The following SKIL variants were observed in gnomAD, a reference collection of about 807,000 sequenced individuals.
SKIL encodes SKI like proto-oncogene, also known as ski-like protein.
A neutral mutation model predicts 69.6 loss-of-function variants in SKIL; 20 were observed. The observed-to-expected ratio is 0.29, with a 90% CI of 0.20 to 0.42. The LOEUF (loss-of-function observed/expected upper bound fraction) is 0.42. Among genes scored for constraint, SKIL ranks in the 10% least tolerant of loss-of-function variants. The pLI, the probability that SKIL is intolerant of heterozygous loss-of-function variation, is 1.00. For missense variants in SKIL, 745 were observed against 783.1 expected, an observed-to-expected ratio of 0.95 and a Z score of 0.58; for synonymous variants, 310 against 279.9, an observed-to-expected ratio of 1.11 and a Z score of -1.08.
In SKIL at chr3:170,395,595, C is replaced by G. The variant is rs1738149204; in HGVS notation, c.*3178C>G. 2 of 152,066 alleles carry G rather than the reference C, an allele frequency of 1.3e-5. No homozygotes were observed. Among genetic ancestry groups the G allele is most frequent in the African/African-American group, 4.8e-5 (2 of 41,438 alleles). The allele number at this position is 152,066 out of a possible 1,614,324, so 9.4% of individuals were successfully genotyped here. A position where few individuals can be genotyped will look rare whatever the true frequency, so the allele number is the denominator to read the frequency against. ...AGGAAGGTAAAGTTATAAGGAAACT[C>G]AAATACTATAAGATGTGTCAAGGTA... On this transcript the variant is annotated 3_prime_UTR_variant, in exon 7 of 7. Coordinates refer to ENST00000259119, the MANE Select transcript of SKIL (RefSeq NM_005414.5).
At chr3:170,366,047 C>T (rs530688402) in intron 2 of SKIL, among the ~76,000 whole-genome samples, 16 of 148,216 alleles carry the variant, frequency 1.1e-4, no homozygotes, top group South Asian at 2.1e-4. Flanking sequence ...TGAGCCATTG[C>T]GCCTGGCCTT....
intron 3 of SKIL, among the ~76,000 whole-genome samples, chr3:170,382,272 C>T (rs1023759918): frequency 1.3e-5 from 2 of 151,882 alleles, no homozygotes; most frequent in Non-Finnish European, 2.9e-5. Context: ...TTGAAATAAC[C>T]TTTACTATGT....
chr3:170,382,067 G>A (rs1238109092), intron 3 of SKIL, among the ~76,000 whole-genome samples: 1 of 151,806 alleles, frequency 6.6e-6, no homozygotes, highest in African/African-American at 2.4e-5. Flanking sequence ...AGGCGACAGA[G>A]CAAAACTGTC....
Position 170,360,121 on chromosome 3 carries a change from AT to A in SKIL, c.-207del. 3 of 463,612 alleles carry A rather than the reference AT, an allele frequency of 6.5e-6. No individual in the cohort carries two copies. The highest frequency in any genetic ancestry group is 4.8e-5 in the South Asian group (1 of 20,962). 28.7% of individuals were successfully genotyped at this position (463,612 alleles called of 1,614,324 possible). A position where few individuals can be genotyped will look rare whatever the true frequency, so the allele number is the denominator to read the frequency against. ...TTTATTATTAGAGGCAAAACGAACA[AT>A]TTTATAGGATTTGTAGTGAAATTAT... On this transcript the variant is annotated 5_prime_UTR_variant, in exon 2 of 7. Coordinates refer to ENST00000259119, the MANE Select transcript of SKIL (RefSeq NM_005414.5).
At chr3:170,378,705 C>G (rs112345236) in intron 2 of SKIL, among the ~76,000 whole-genome samples, 6,368 of 151,816 alleles carry the variant, frequency 0.042, 148 homozygotes, top group South Asian at 0.14. Flanking sequence ...GCACTCACCA[C>G]CATGTCCAGC....
At chr3:170,386,496 C>T (rs919245376) in intron 4 of SKIL, among the ~76,000 whole-genome samples, 1 of 152,072 alleles carries the variant, frequency 6.6e-6, no homozygotes, top group Admixed American at 6.6e-5. Context: ...GACAGAGTCT[C>T]ACTCTGTTGC....
intron 6 of SKIL, 58 bp downstream of exon 6, chr3:170,391,318 TTC>T: frequency 1.0e-6 from 1 of 1,000,516 alleles, no homozygotes; most frequent in African/African-American, 1.7e-5. Flanking sequence ...AAACTGTTAC[TTC>T]TCTCTTTTTT....
chr3:170,385,809 C>CTTT (rs562437463), intron 4 of SKIL, among the ~76,000 whole-genome samples: 262 of 141,982 alleles, frequency 1.8e-3, no homozygotes, highest in African/African-American at 6.5e-3. Context: ...TCTTTTTTTT[C>CTTT]TTTTTTTTTT....
intron 2 of SKIL, among the ~76,000 whole-genome samples, chr3:170,371,982 ATTG>A (rs1489929582): frequency 6.6e-6 from 1 of 152,234 alleles, no homozygotes; most frequent in East Asian, 1.9e-4. Context: ...AGGACTGTAA[ATTG>A]TTAAGCATAT....
At chr3:170,365,841 C>G (rs61436251) in intron 2 of SKIL, among the ~76,000 whole-genome samples, 24,067 of 149,432 alleles carry the variant, frequency 0.16, 2,434 homozygotes, top group Middle Eastern at 0.27. Flanking sequence ...CTGCAACCTC[C>G]GCCTCCTGGA....
intron 3 of SKIL, 126 bp downstream of exon 3, chr3:170,381,467 C>G (rs1368093116): frequency 1.7e-6 from 1 of 595,868 alleles, no homozygotes; most frequent in Admixed American, 2.5e-5. Flanking sequence ...GAGTCTTGCT[C>G]TGTTACCCAG....
At chr3:170,378,553 CTTTTT>C (rs373084445) in intron 2 of SKIL, among the ~76,000 whole-genome samples, 23 of 119,010 alleles carry the variant, frequency 1.9e-4, no homozygotes, top group East Asian at 1.6e-3. Flanking sequence ...CTCTCTCTCT[CTTTTT>C]TTTTTTTTTT....
chr3:170,360,714 A>G lies in SKIL; in HGVS notation c.383A>G (p.Gln128Arg), dbSNP rs371344388. 1.1e-5 allele frequency: 17 copies of G among 1,614,066 alleles called. No individual in the cohort carries two copies. The highest frequency in any genetic ancestry group is 1.4e-5 in the Non-Finnish European group (16 of 1,180,032). The change falls in exon 2 of 7, where the codon CAG becomes CGG. Residue 128 changes from glutamine (Q) to arginine (R), a missense_variant. Transcript: ENST00000259119. ...PTVFLPLPSP[Q>R]VLPGPLLIPS... is the part of the protein sequence containing the mutation. Reference sequence around the variant, plus strand: ...GTATTTCTGCCTCTTCCATCACCTCAGGTTCTTCCTGGCCCATTGCTCATC... The same window carrying G: ...GTATTTCTGCCTCTTCCATCACCTCGGGTTCTTCCTGGCCCATTGCTCATC...
chr3:170,377,916 CAG>C (rs1341866234), intron 2 of SKIL, among the ~76,000 whole-genome samples: 7 of 151,152 alleles, frequency 4.6e-5, no homozygotes, highest in African/African-American at 1.5e-4. Flanking sequence ...ATTTTTGAGA[CAG>C]AGTCTTGCTC....
chr3:170,368,082 T>C (rs1431121387), intron 2 of SKIL, among the ~76,000 whole-genome samples: 1 of 152,164 alleles, frequency 6.6e-6, no homozygotes, highest in Non-Finnish European at 1.5e-5. Context: ...ATAAACCTAA[T>C]TGAGATAAGG....
At chr3:170,376,133 C>T (rs374220683) in intron 2 of SKIL, among the ~76,000 whole-genome samples, 1 of 149,620 alleles carries the variant, frequency 6.7e-6, no homozygotes, top group East Asian at 2.0e-4. Context: ...CTGCAACCTC[C>T]ACCTCCTGGG....
In SKIL at chr3:170,392,481, G is replaced by C. The variant is rs577466380; in HGVS notation, c.*64G>C. 435 of 1,053,566 alleles carry C rather than the reference G, an allele frequency of 4.1e-4. No homozygotes were observed. In the African/African-American group the frequency reaches 5.7e-3, roughly 14 times the overall value. The allele number at this position is 1,053,566 out of a possible 1,614,324, so 65.3% of individuals were successfully genotyped here. On this transcript the variant is annotated 3_prime_UTR_variant, in exon 7 of 7. Coordinates refer to ENST00000259119, the MANE Select transcript of SKIL (RefSeq NM_005414.5). ...GTTTTTTTTGTTTGTTGCTTGCTTT[G>C]GTAATTGAATTCTGAAGAATTTATC...
chr3:170,372,036 C>T (rs1736825742), intron 2 of SKIL, among the ~76,000 whole-genome samples: 1 of 152,146 alleles, frequency 6.6e-6, no homozygotes, highest in Non-Finnish European at 1.5e-5. Flanking sequence ...TAGAATTATA[C>T]AGATTAAAAT....
chr3:170,365,381 T>C (rs907052974), intron 2 of SKIL, among the ~76,000 whole-genome samples: 1 of 152,180 alleles, frequency 6.6e-6, no homozygotes, highest in African/African-American at 2.4e-5. Context: ...TCTGAAATGC[T>C]CTAAAGGCCA....
Sources: allele counts gnomAD v4.1 joint callset (sites outside exome capture counted in the v4.1 genomes callset), GRCh38; gene constraint gnomAD v4.1.1; transcripts MANE v1.5; gene names NCBI Gene and HGNC (gene_info 2026-07-23, HGNC 2026-07-21).